Variants in CCDC171 observed in about 807,000 individuals in gnomAD.
CCDC171 encodes coiled-coil domain-containing protein 171.
A neutral mutation model predicts 168.2 loss-of-function variants in CCDC171; 177 were observed. The ratio of observed to expected loss-of-function variants is 1.05; its 90% CI spans 0.93 to 1.19. The LOEUF (loss-of-function observed/expected upper bound fraction) is 1.19. CCDC171 is among the 50% of genes most tolerant of loss of function. The pLI is 0.00. For synonymous variants in CCDC171, 687 were observed against 540.8 expected (o/e 1.27, Z -3.75); for missense variants, 1,991 against 1,539.0 (o/e 1.29, Z -4.91).
chr9:15,933,303 T>C (rs1392698848), intron 25 of CCDC171, among the ~76,000 whole-genome samples: 2 of 151,980 alleles, frequency 1.3e-5, no homozygotes, highest in African/African-American at 4.8e-5. Context: ...TTTCTATTTC[T>C]TCGTAATTTA....
At chr9:15,640,391 TA>T (rs898724489) in intron 7 of CCDC171, among the ~76,000 whole-genome samples, 2 of 151,008 alleles carry the variant, frequency 1.3e-5, no homozygotes, top group East Asian at 1.9e-4. Context: ...GAGAGCTACT[TA>T]AAAAAAAACA....
At chr9:15,799,135 C>T (rs1045132681) in intron 21 of CCDC171, among the ~76,000 whole-genome samples, 14 of 109,024 alleles carry the variant, frequency 1.3e-4, no homozygotes, top group East Asian at 1.0e-3. Flanking sequence ...TCATCATTGC[C>T]ATATATATAT....
At chr9:15,745,148 G>A (rs1395922046) in intron 17 of CCDC171, among the ~76,000 whole-genome samples, 1 of 152,134 alleles carries the variant, frequency 6.6e-6, no homozygotes, top group African/African-American at 2.4e-5. Context: ...CTATGAATAA[G>A]TATGAAATGG....
chr9:15,728,716 A>G (rs1006011986), intron 15 of CCDC171, among the ~76,000 whole-genome samples: 3 of 152,138 alleles, frequency 2.0e-5, no homozygotes, highest in African/African-American at 7.2e-5. Context: ...ATATGCCACC[A>G]TTAAAGACAC....
intron 18 of CCDC171, chr9:15,776,190 GA>G (rs2057316839): frequency 6.6e-6 from 1 of 151,764 alleles, no homozygotes; most frequent in Non-Finnish European, 1.5e-5. Context: ...TAAAAACATG[GA>G]ACGCTTCACA....
At chr9:15,949,837 A>C (rs1462798003) in intron 25 of CCDC171, among the ~76,000 whole-genome samples, 2 of 152,102 alleles carry the variant, frequency 1.3e-5, no homozygotes, top group Non-Finnish European at 2.9e-5. Context: ...AACTTCTAAC[A>C]CTATGTTGAA....
At chr9:15,746,990 G>A (rs1314449861) in intron 18 of CCDC171, among the ~76,000 whole-genome samples, 3 of 152,338 alleles carry the variant, frequency 2.0e-5, no homozygotes, top group Admixed American at 1.3e-4. Flanking sequence ...ACAGAGCCCA[G>A]CAAGCTAAAA....
intron 10 of CCDC171, among the ~76,000 whole-genome samples, chr9:15,689,707 T>C (rs2050653152): frequency 6.6e-6 from 1 of 152,098 alleles, no homozygotes; most frequent in South Asian, 2.1e-4. Flanking sequence ...TAAGACTCAG[T>C]CTCAAAAGAA....
At chr9:15,624,927 C>CAAAAGTGTCA (rs1471152084) in intron 7 of CCDC171, among the ~76,000 whole-genome samples, 1 of 152,146 alleles carries the variant, frequency 6.6e-6, no homozygotes, top group African/African-American at 2.4e-5. Context: ...ACACTCCCAC[C>CAAAAGTGTCA]AAAAGTGTCA....
chr9:15,609,032 T>C (rs1414427906), intron 6 of CCDC171, among the ~76,000 whole-genome samples: 2 of 150,808 alleles, frequency 1.3e-5, no homozygotes, highest in Non-Finnish European at 3.0e-5. Flanking sequence ...TATATTCCTT[T>C]TGCAAACATC....
chr9:15,811,125 C>T (rs2059338057), intron 21 of CCDC171, among the ~76,000 whole-genome samples: 1 of 152,214 alleles, frequency 6.6e-6, no homozygotes, highest in Non-Finnish European at 1.5e-5. Flanking sequence ...ACCTGTTGGG[C>T]TTGGAAAGAG....
chr9:15,655,609 AAGG>A (rs2047870173), intron 7 of CCDC171, among the ~76,000 whole-genome samples: 1 of 152,244 alleles, frequency 6.6e-6, no homozygotes, highest in Non-Finnish European at 1.5e-5. Flanking sequence ...CTGTTAAGAG[AAGG>A]AGAAGACAGG....
intron 24 of CCDC171, among the ~76,000 whole-genome samples, chr9:15,883,802 A>T (rs1411654486): frequency 1.3e-5 from 2 of 152,248 alleles, no homozygotes; most frequent in African/African-American, 4.8e-5. Context: ...CTTCTTTAAA[A>T]ACAAGGTAGA....
intron 24 of CCDC171, among the ~76,000 whole-genome samples, chr9:15,905,568 C>A (rs1270360113): frequency 6.6e-6 from 1 of 151,998 alleles, no homozygotes; most frequent in Non-Finnish European, 1.5e-5. Context: ...CAAGAGAAAG[C>A]AGGAAAGATC....
At chr9:15,760,207 C>A (rs1024025032) in intron 18 of CCDC171, among the ~76,000 whole-genome samples, 4 of 152,176 alleles carry the variant, frequency 2.6e-5, no homozygotes, top group African/African-American at 9.6e-5. Context: ...GACCCCTTTT[C>A]TTCTTAGCCC....
chr9:15,951,633 G>A (rs1361554954), intron 25 of CCDC171, among the ~76,000 whole-genome samples: 1 of 151,984 alleles, frequency 6.6e-6, no homozygotes, highest in African/African-American at 2.4e-5. Flanking sequence ...GTGATGTTGA[G>A]CATCTTTATA....
intron 18 of CCDC171, among the ~76,000 whole-genome samples, chr9:15,748,431 T>C (rs532337912): frequency 6.6e-6 from 1 of 152,180 alleles, no homozygotes; most frequent in East Asian, 1.9e-4. Context: ...TTCCCAAACA[T>C]AGCAAGGCAG....
At chr9:16,020,909 G>C (rs1481661455) in intron 4 of CCDC171, 4 of 152,228 alleles carry the variant, frequency 2.6e-5, no homozygotes, top group African/African-American at 7.2e-5. Context: ...TCTGCTAAGA[G>C]GAGGCTACTG....
chr9:15,708,755 A>C (rs1268471036), intron 11 of CCDC171, among the ~76,000 whole-genome samples: 1 of 152,174 alleles, frequency 6.6e-6, no homozygotes, highest in Non-Finnish European at 1.5e-5. Flanking sequence ...CCAGAAGTCC[A>C]GGGAGTAGAT....
Sources: gnomAD v4.1 joint callset for allele counts (sites outside exome capture counted in the v4.1 genomes callset) on GRCh38, gnomAD v4.1.1 for gene constraint, MANE v1.5 for transcripts, NCBI Gene and HGNC (gene_info 2026-07-23, HGNC 2026-07-21) for gene names.